The following PHF21B variants were observed in gnomAD, a reference collection of about 807,000 sequenced individuals.
PHF21B encodes PHD finger protein 4.
Under a neutral mutation model 62.2 loss-of-function variants are expected in PHF21B, and 22 were observed. The observed-to-expected ratio is 0.35, with a 90% confidence interval of 0.25 to 0.51. The LOEUF (loss-of-function observed/expected upper bound fraction) is 0.51, where lower values mean the gene tolerates loss of function less well. PHF21B is among the 20% of genes least tolerant of loss of function. The pLI is 0.97. For synonymous variants in PHF21B, 341 were observed against 314.7 expected (o/e 1.08, Z -0.88); for missense variants, 701 against 707.9 (o/e 0.99, Z 0.11).
intron 2 of PHF21B, among the ~76,000 whole-genome samples, chr22:44,954,257 C>A (rs929972889): frequency 1.3e-5 from 2 of 152,258 alleles, no homozygotes; most frequent in Non-Finnish European, 2.9e-5. Flanking sequence ...TACTTTCCAG[C>A]CTTCTGAAAG....
At chr22:44,922,308 T>C (rs374356415) in intron 2 of PHF21B, among the ~76,000 whole-genome samples, 5 of 152,302 alleles carry the variant, frequency 3.3e-5, no homozygotes, top group East Asian at 3.9e-4. Context: ...TAAATGAGTT[T>C]AGCCAGGTTG....
rs560234344 is a variant in PHF21B, at chr22:44,976,866, C to T, written c.120+31679G>A. On this transcript the variant is annotated intron_variant, in intron 2 of 12. Transcript: ENST00000313237. ...GGTTAAGAAAGTGGCCAGGGCCGGG[C>T]GGGGGCTCACAATGCAGTCCCAGCA... 1.6e-4 allele frequency among the ~76,000 whole-genome samples: 25 copies of T among 152,322 alleles called. No individual in the cohort carries two copies. The South Asian group carries it at 4.1e-3, about 25-fold the overall frequency.
intron 6 of PHF21B, 107 bp from the exon 7 acceptor site, chr22:44,893,640 T>G: frequency 1.8e-6 from 2 of 1,088,730 alleles, no homozygotes; most frequent in Non-Finnish European, 2.7e-6. Context: ...CTCTGAAGCC[T>G]CTCTGTGTGC....
At chr22:44,938,999 C>A (rs574159133) in intron 2 of PHF21B, among the ~76,000 whole-genome samples, 2 of 152,346 alleles carry the variant, frequency 1.3e-5, no homozygotes, top group African/African-American at 2.4e-5. Context: ...AAACCTCCAC[C>A]AGGCTGCTGG....
At chr22:44,883,560 G>A (rs935896688) in intron 12 of PHF21B, among the ~76,000 whole-genome samples, 2 of 152,134 alleles carry the variant, frequency 1.3e-5, no homozygotes, top group Non-Finnish European at 2.9e-5. Flanking sequence ...TGGCTGTGAT[G>A]TGACCTCCTC....
At chr22:44,931,660 A>G (rs1025325844) in intron 2 of PHF21B, among the ~76,000 whole-genome samples, 2 of 151,906 alleles carry the variant, frequency 1.3e-5, no homozygotes, top group Non-Finnish European at 1.5e-5. Context: ...GTGTCAAAAA[A>G]TGGTTGTGAG....
chr22:44,943,062 G>A (rs142917357), intron 2 of PHF21B, among the ~76,000 whole-genome samples: 32 of 151,466 alleles, frequency 2.1e-4, no homozygotes, highest in African/African-American at 5.1e-4. Flanking sequence ...TGGAAGATCC[G>A]GATTGAATCC....
At chr22:44,892,722 A>C (rs1199221594) in intron 7 of PHF21B, among the ~76,000 whole-genome samples, 1 of 152,228 alleles carries the variant, frequency 6.6e-6, no homozygotes. Context: ...CCTCTGAGCT[A>C]ATGGTCCCAA....
At position 44,914,019 on chromosome 22, in the gene PHF21B, GAAGAGA is replaced by G; in HGVS notation, c.628_633del (p.Ser210_Leu211del). 1 of 642,106 alleles carries G rather than the reference GAAGAGA, an allele frequency of 1.6e-6. No individual in the cohort carries two copies. 39.8% of individuals were successfully genotyped at this position (642,106 alleles called of 1,614,324 possible). ...AGTGATGGGGAGGGAGGGGTGAGGG[GAAGAGA>G]GGAGGGGTGGAGGGGACAGTGATGG... On this transcript the variant is annotated inframe_deletion, in exon 5 of 13. Coordinates refer to ENST00000313237, the MANE Select transcript of PHF21B (RefSeq NM_138415.5).
At chr22:44,894,487 T>C (rs996561219) in intron 6 of PHF21B, among the ~76,000 whole-genome samples, 1 of 152,180 alleles carries the variant, frequency 6.6e-6, no homozygotes, top group African/African-American at 2.4e-5. Flanking sequence ...CACAGCCCCA[T>C]GCTGCCTCTG....
At chr22:44,978,184 T>C (rs1301250849) in intron 2 of PHF21B, among the ~76,000 whole-genome samples, 1 of 152,184 alleles carries the variant, frequency 6.6e-6, no homozygotes. Flanking sequence ...TTGCAGGAGA[T>C]GTACATCTCC....
At chr22:44,948,888 A>T (rs2072133526) in intron 2 of PHF21B, among the ~76,000 whole-genome samples, 1 of 152,160 alleles carries the variant, frequency 6.6e-6, no homozygotes, top group South Asian at 2.1e-4. Context: ...CAAGCAGTTG[A>T]TCCTCTTCTA....
intron 5 of PHF21B, among the ~76,000 whole-genome samples, chr22:44,896,880 G>GTTTTTTTTTTTTTTTTTTTTTTTT (rs56878868): frequency 1.2e-5 from 1 of 84,046 alleles, no homozygotes; most frequent in African/African-American, 4.1e-5. Flanking sequence ...AGTTTTATCT[G>GTTTTTTTTTTTTTTTTTTTTTTTT]TTTTTTTTTT....
At chr22:44,984,183 C>T in intron 2 of PHF21B, among the ~76,000 whole-genome samples, 1 of 146,794 alleles carries the variant, frequency 6.8e-6, no homozygotes, top group East Asian at 2.0e-4. Context: ...CCATCACAAC[C>T]ACCATCATCA....
intron 10 of PHF21B, among the ~76,000 whole-genome samples, chr22:44,886,599 A>G (rs2070863032): frequency 6.6e-6 from 1 of 151,658 alleles, no homozygotes; most frequent in African/African-American, 2.4e-5. Context: ...AGGTGGGAAG[A>G]TTGTTTGAGC....
At chr22:44,954,750 G>A (rs1157325004) in intron 2 of PHF21B, among the ~76,000 whole-genome samples, 3 of 152,204 alleles carry the variant, frequency 2.0e-5, no homozygotes, top group Admixed American at 1.3e-4. Context: ...TGTAGAGACC[G>A]GGCTTGATGC....
chr22:44,992,585 C>T (rs1028471923), intron 2 of PHF21B, among the ~76,000 whole-genome samples: 14 of 152,244 alleles, frequency 9.2e-5, no homozygotes, highest in South Asian at 8.3e-4. Flanking sequence ...TGAATCTCTG[C>T]GCGTGCACGT....
In PHF21B at chr22:44,991,682, G is replaced by A. The variant is rs552275797; in HGVS notation, c.120+16863C>T. Reference sequence around the variant, plus strand: ...CCCTGTGCCCAGCTGGGGGGCTCCTGTGGTGGCCACTGTCTCCACCTCTGT... The same window carrying A: ...CCCTGTGCCCAGCTGGGGGGCTCCTATGGTGGCCACTGTCTCCACCTCTGT... On this transcript the variant is annotated intron_variant, in intron 2 of 12. Transcript: ENST00000313237. Among the ~76,000 whole-genome samples, 3 of 152,220 alleles carry A rather than the reference G, an allele frequency of 2.0e-5. No individual in the cohort carries two copies. In the East Asian group the frequency reaches 5.8e-4, roughly 29 times the overall value.
chr22:44,969,409 T>C (rs1051886840), intron 2 of PHF21B, among the ~76,000 whole-genome samples: 2 of 152,128 alleles, frequency 1.3e-5, no homozygotes, highest in Non-Finnish European at 2.9e-5. Context: ...CTCGCACCTA[T>C]AATTCCAGCA....
Sources: gnomAD v4.1 joint callset for allele counts (sites outside exome capture counted in the v4.1 genomes callset) on GRCh38, gnomAD v4.1.1 for gene constraint, MANE v1.5 for transcripts, NCBI Gene and HGNC (gene_info 2026-07-23, HGNC 2026-07-21) for gene names.